MARCHF1: variants seen among roughly 807,000 people sequenced by gnomAD.
The protein encoded by MARCHF1 is E3 ubiquitin-protein ligase MARCHF1.
Under a neutral mutation model 54.2 loss-of-function variants are expected in MARCHF1, and 40 were observed. That is an observed-to-expected ratio of 0.74 (90% CI 0.57 to 0.96). MARCHF1 has a LOEUF of 0.96. Ranked by LOEUF, MARCHF1 falls within the 40% of genes least tolerant of loss-of-function variation. MARCHF1 has a pLI of 0.00. For missense variants in MARCHF1, 586 were observed against 656.5 expected (o/e 0.89, Z 1.17); for synonymous variants, 236 against 236.3 (o/e 1.00, Z 0.01).
intron 1 of MARCHF1, among the ~76,000 whole-genome samples, chr4:164,329,414 A>G (rs1735367584): frequency 6.6e-6 from 1 of 152,222 alleles, no homozygotes; most frequent in South Asian, 2.1e-4. Context: ...AGAAAGAAAA[A>G]GGAGAAAGAA....
Position 164,270,484 on chromosome 4 carries a change from T to C in MARCHF1, c.-323+113386A>G, listed in dbSNP as rs572039776. Among the ~76,000 whole-genome samples, 4 of 152,336 alleles carry C rather than the reference T, an allele frequency of 2.6e-5. No individual in the cohort carries two copies. In the East Asian group the frequency reaches 7.7e-4, roughly 29 times the overall value. ...TGTTAAGTTCTGTAATGTCAGATAT[T>C]TCTGTTTGGTTCACTGGTGTATTCT... is the stretch of plus-strand genomic sequence containing the variant. On this transcript the variant is annotated intron_variant, in intron 1 of 9. Transcript: ENST00000514618.
chr4:163,688,627 T>A (rs1456758919), intron 5 of MARCHF1, among the ~76,000 whole-genome samples: 1 of 152,160 alleles, frequency 6.6e-6, no homozygotes, highest in East Asian at 1.9e-4. Context: ...CCTCACAGAT[T>A]TTTTTTAAGA....
At chr4:164,138,613 G>C (rs187615037) in intron 1 of MARCHF1, among the ~76,000 whole-genome samples, 5 of 152,164 alleles carry the variant, frequency 3.3e-5, no homozygotes, top group African/African-American at 1.2e-4. Context: ...AAGCGGTATG[G>C]GCAGAACAGT....
At chr4:164,376,392 T>C (rs1209608824) in intron 1 of MARCHF1, among the ~76,000 whole-genome samples, 3 of 152,200 alleles carry the variant, frequency 2.0e-5, no homozygotes, top group Admixed American at 6.5e-5. Context: ...CTTTCTCTTA[T>C]TCATTTTTCT....
rs1738241611 is a variant in MARCHF1, at chr4:163,528,856, A to C, written c.1530T>G (p.Cys510Trp). The C allele has an allele frequency of 6.2e-7, 1 of 1,613,380 alleles. No homozygotes were observed. ...CATCTTTGATGTCTGTGTTTACATT[A>C]CATGAGAAGTTCTTCTCCAGTTTTT... ...TAKKLEKNFS[C>W]NVNTDIKDAV... is the part of the protein sequence containing the mutation. The change falls in exon 10 of 10, where the codon TGT becomes TGG. Residue 510 changes from cysteine to tryptophan, a missense_variant. Around this residue, in one of 3 missense-constraint regions of MARCHF1, gnomAD observed 106 missense variants for 93.8 expected, o/e 1.13. Transcript: ENST00000514618.
chr4:163,528,902 T>C lies in MARCHF1; in HGVS notation c.1484A>G (p.Gln495Arg). Reference sequence around the variant, plus strand: ...TTTTTTGGCAGTGTCTGGGCAATTTTGTACAAAGATCACACGGTTGTAGGC... The same window carrying C: ...TTTTTTGGCAGTGTCTGGGCAATTTCGTACAAAGATCACACGGTTGTAGGC... ...LKAYNRVIFV[Q>R]NCPDTAKKLE... is the part of the protein sequence containing the mutation. Residue 495 changes from glutamine (Q) to arginine (R), a missense_variant, in exon 10 of 10, where the codon CAA (glutamine) becomes CGA (arginine). Physicochemically the swap from Gln to Arg is conservative, Grantham distance 43. Transcript: ENST00000514618. The C allele has an allele frequency of 6.2e-7, 1 of 1,613,430 alleles. No homozygotes were observed. The highest frequency in any genetic ancestry group is 8.5e-7 in the Non-Finnish European group (1 of 1,179,592).
At chr4:163,882,448 G>A (rs966263670) in intron 3 of MARCHF1, among the ~76,000 whole-genome samples, 2 of 152,182 alleles carry the variant, frequency 1.3e-5, no homozygotes, top group African/African-American at 4.8e-5. Context: ...CTTGAGTCAG[G>A]TAGGCAGCTA....
intron 7 of MARCHF1, among the ~76,000 whole-genome samples, chr4:163,598,751 T>C (rs1044934539): frequency 6.6e-6 from 1 of 152,226 alleles, no homozygotes. Context: ...GCCTAGGACC[T>C]TACTATACAC....
At chr4:163,929,968 A>AT (rs1392229751) in intron 3 of MARCHF1, among the ~76,000 whole-genome samples, 1 of 111,014 alleles carries the variant, frequency 9.0e-6, no homozygotes, top group African/African-American at 3.7e-5. Flanking sequence ...TATATAATAT[A>AT]TATAATATAT....
chr4:164,373,426 C>A lies in MARCHF1; in HGVS notation c.-323+10444G>T, dbSNP rs370266629. On this transcript the variant is annotated intron_variant, in intron 1 of 9. Coordinates refer to ENST00000514618, the MANE Select transcript of MARCHF1 (RefSeq NM_001394959.1). ...CTAGAATACAATGGCACAATCTTGG[C>A]TCACTGCTATCTCCACCTCCCAGGT... Among the ~76,000 whole-genome samples the A allele has an allele frequency of 2.3e-5, 3 of 132,582 alleles. No homozygotes were observed. The East Asian group carries it at 7.2e-4, about 32-fold the overall frequency. The allele number at this position is 132,582 out of a possible 152,430, so 87.0% of individuals were successfully genotyped here.
intron 4 of MARCHF1, among the ~76,000 whole-genome samples, chr4:163,724,610 G>C (rs924246883): frequency 6.6e-6 from 1 of 152,190 alleles, no homozygotes; most frequent in African/African-American, 2.4e-5. Flanking sequence ...CCTAGAGGTG[G>C]AGTCTACAAA....
chr4:163,675,482 G>T (rs1411611237), intron 5 of MARCHF1, among the ~76,000 whole-genome samples: 1 of 152,138 alleles, frequency 6.6e-6, no homozygotes, highest in Non-Finnish European at 1.5e-5. Context: ...GAAAGAACAA[G>T]CACAAAATTG....
intron 1 of MARCHF1, among the ~76,000 whole-genome samples, chr4:164,228,330 A>T (rs757500452): frequency 3.9e-5 from 6 of 152,222 alleles, no homozygotes; most frequent in Non-Finnish European, 8.8e-5. Flanking sequence ...TCTATTAGAG[A>T]ACAGCTATAG....
At chr4:163,971,292 C>A (rs868223402) in intron 3 of MARCHF1, among the ~76,000 whole-genome samples, 3 of 152,234 alleles carry the variant, frequency 2.0e-5, no homozygotes, top group Non-Finnish European at 2.9e-5. Flanking sequence ...GCCATCCACA[C>A]GAAGACTCAG....
At chr4:164,203,832 A>T (rs1325470819) in intron 1 of MARCHF1, among the ~76,000 whole-genome samples, 1 of 152,196 alleles carries the variant, frequency 6.6e-6, no homozygotes, top group Non-Finnish European at 1.5e-5. Flanking sequence ...AAGAAAGTAA[A>T]AGAAACAAAA....
intron 1 of MARCHF1, among the ~76,000 whole-genome samples, chr4:164,240,983 G>A (rs1172288911): frequency 2.6e-5 from 4 of 152,116 alleles, no homozygotes; most frequent in Admixed American, 1.3e-4. Flanking sequence ...TGTAGCCAGA[G>A]GTCACACGAC....
At chr4:163,695,363 C>T (rs1744588119) in intron 5 of MARCHF1, among the ~76,000 whole-genome samples, 1 of 152,152 alleles carries the variant, frequency 6.6e-6, no homozygotes, top group African/African-American at 2.4e-5. Context: ...ATACCTTGTA[C>T]ACAGTACGTC....
At chr4:163,567,269 A>G (rs1427626010) in intron 8 of MARCHF1, among the ~76,000 whole-genome samples, 1 of 151,432 alleles carries the variant, frequency 6.6e-6, no homozygotes, top group Non-Finnish European at 1.5e-5. Flanking sequence ...TATGCCAATG[A>G]CATCTAGCAC....
intron 3 of MARCHF1, among the ~76,000 whole-genome samples, chr4:163,882,107 T>C (rs923585900): frequency 2.0e-5 from 3 of 152,236 alleles, no homozygotes; most frequent in Admixed American, 6.5e-5. Context: ...TCATTTTAAT[T>C]TGGAGAAATA....
Sources: gnomAD v4.1 joint callset for allele counts (sites outside exome capture counted in the v4.1 genomes callset) on GRCh38, gnomAD v4.1.1 for gene constraint, gnomAD v4.1.1 regional missense constraint, MANE v1.5 for transcripts, NCBI Gene and HGNC (gene_info 2026-07-23, HGNC 2026-07-21) for gene names.